Variants in TNKS observed in about 807,000 individuals in gnomAD.
TNKS encodes the protein tankyrase, also known as poly [ADP-ribose] polymerase tankyrase-1.
TNKS carries 72 observed loss-of-function variants against 135.8 expected under a neutral mutation model. The ratio of observed to expected loss-of-function variants is 0.53; its 90% CI spans 0.44 to 0.64. The LOEUF is 0.64. TNKS is among the 30% of genes least tolerant of loss of function. TNKS has a pLI of 0.00. For synonymous variants in TNKS, 849 were observed against 649.3 expected, an observed-to-expected ratio of 1.31 and a Z score of -4.68; for missense variants, 1,769 against 1,674.0, an observed-to-expected ratio of 1.06 and a Z score of -0.99.
rs1342338381 is a variant in TNKS at position 9,777,585 on chromosome 8, T to G, written c.*849T>G. ...CTGGAGATGCAGGTTGACACGGGCT[T>G]GAGTTCCAAGGTGAAAAAACTGGGG... On this transcript the variant is annotated 3_prime_UTR_variant, in exon 27 of 27. Coordinates refer to ENST00000310430, the MANE Select transcript of TNKS (RefSeq NM_003747.3). 6.6e-6 allele frequency: 1 copy of G among 152,234 alleles called. No homozygotes were observed. The highest frequency in any genetic ancestry group is 2.4e-5 in the African/African-American group (1 of 41,410). 9.4% of individuals were successfully genotyped at this position (152,234 alleles called of 1,614,324 possible). A position where few individuals can be genotyped will look rare whatever the true frequency, so the allele number is the denominator to read the frequency against.
At chr8:9,599,495 A>G (rs1798930320) in intron 2 of TNKS, among the ~76,000 whole-genome samples, 1 of 152,230 alleles carries the variant, frequency 6.6e-6, no homozygotes, top group Admixed American at 6.5e-5. Flanking sequence ...GCAGTATTCT[A>G]AAACTGAGGT....
At chr8:9,746,066 C>T (rs944553270) in intron 17 of TNKS, among the ~76,000 whole-genome samples, 3 of 152,034 alleles carry the variant, frequency 2.0e-5, no homozygotes, top group Admixed American at 1.3e-4. Flanking sequence ...GTGTGGTAGT[C>T]GAGCAGCAGC....
intron 12 of TNKS, among the ~76,000 whole-genome samples, chr8:9,725,223 C>A (rs1350980079): frequency 6.6e-6 from 1 of 152,140 alleles, no homozygotes; most frequent in Admixed American, 6.5e-5. Context: ...GACCCCAATA[C>A]ATAGTGGAAA....
intron 26 of TNKS, among the ~76,000 whole-genome samples, chr8:9,775,906 A>C (rs527705771): frequency 1.3e-5 from 2 of 152,034 alleles, no homozygotes; most frequent in South Asian, 2.1e-4. Flanking sequence ...CTACTCACTA[A>C]GGGGTGTCCT....
intron 25 of TNKS, among the ~76,000 whole-genome samples, chr8:9,769,594 C>G (rs998831719): frequency 1.4e-5 from 2 of 145,398 alleles, no homozygotes; most frequent in East Asian, 4.1e-4. Context: ...CCAGGCAAAA[C>G]TTACTGGCAG....
intron 3 of TNKS, among the ~76,000 whole-genome samples, chr8:9,633,473 A>T (rs1800374719): frequency 1.3e-5 from 2 of 152,242 alleles, no homozygotes; most frequent in African/African-American, 4.8e-5. Flanking sequence ...TGTTTACAAT[A>T]TGCCATCCTT....
At chr8:9,624,012 A>G (rs1213232836) in intron 3 of TNKS, among the ~76,000 whole-genome samples, 1 of 151,580 alleles carries the variant, frequency 6.6e-6, no homozygotes, top group Non-Finnish European at 1.5e-5. Flanking sequence ...TCAAGAAAAA[A>G]GGAAAAACAA....
At chr8:9,673,848 T>C (rs1268182895) in intron 3 of TNKS, among the ~76,000 whole-genome samples, 1 of 152,190 alleles carries the variant, frequency 6.6e-6, no homozygotes, top group Non-Finnish European at 1.5e-5. Flanking sequence ...TTGTCTCTAG[T>C]TCCATACTTT....
chr8:9,710,354 G>C, intron 11 of TNKS, 134 bp downstream of exon 11: 1 of 770,462 alleles, frequency 1.3e-6, no homozygotes, highest in Non-Finnish European at 2.2e-6. Flanking sequence ...TTAAATTCAT[G>C]GATTCTCCTA....
chr8:9,597,137 T>C (rs1035090651), intron 2 of TNKS, among the ~76,000 whole-genome samples: 8 of 152,246 alleles, frequency 5.3e-5, no homozygotes, highest in African/African-American at 1.9e-4. Flanking sequence ...AAGTATGAAT[T>C]GCAATGTATC....
intron 26 of TNKS, among the ~76,000 whole-genome samples, chr8:9,775,301 A>G (rs571097982): frequency 6.6e-6 from 1 of 151,958 alleles, no homozygotes; most frequent in African/African-American, 2.4e-5. Context: ...TCACAAAAAT[A>G]AAAGTACAGA....
chr8:9,590,469 A>T (rs570819469), intron 2 of TNKS, among the ~76,000 whole-genome samples: 4 of 152,136 alleles, frequency 2.6e-5, no homozygotes, highest in African/African-American at 7.2e-5. Flanking sequence ...TTATATCCTT[A>T]TTTAATCATA....
chr8:9,747,757 G>T (rs1284608717), intron 17 of TNKS, among the ~76,000 whole-genome samples: 2 of 152,138 alleles, frequency 1.3e-5, no homozygotes, highest in Admixed American at 6.5e-5. Flanking sequence ...GAATATATTA[G>T]AGGGATGCAT....
chr8:9,586,281 TAAAG>T lies in TNKS; in HGVS notation c.898+5900_898+5903del, dbSNP rs1272512705. On this transcript the variant is annotated intron_variant, in intron 2 of 26. Coordinates refer to ENST00000310430, the MANE Select transcript of TNKS (RefSeq NM_003747.3). ...CTTAGGGGAAATTAAGCTGACTATA[TAAAG>T]ATAGTATTATTTAATACCATAATTA... 3.9e-5 allele frequency among the ~76,000 whole-genome samples: 6 copies of T among 152,296 alleles called. No individual in the cohort carries two copies. In the South Asian group the frequency reaches 6.2e-4, roughly 16 times the overall value.
At position 9,556,527 on chromosome 8, in the gene TNKS, C is replaced by G; in HGVS notation, c.588C>G (p.Ser196=). The G allele has an allele frequency of 6.2e-7, 1 of 1,614,136 alleles. No individual in the cohort carries two copies. The change falls in exon 1 of 27, where the codon TCC becomes TCG. Residue 196 remains serine (S), a synonymous_variant. Transcript: ENST00000310430. ...AGGCCTGTCGCAATGGGGACGTGTC[C>G]CGGGTAAAGAGGCTGGTGGACGCGG... ...LLEACRNGDV[S]RVKRLVDAAN...
intron 2 of TNKS, among the ~76,000 whole-genome samples, chr8:9,580,982 T>C (rs1041613046): frequency 4.6e-5 from 7 of 152,238 alleles, no homozygotes; most frequent in African/African-American, 1.7e-4. Flanking sequence ...TGCTTTGCTG[T>C]ATACAATTTT....
At chr8:9,620,358 C>T (rs1339431750) in intron 3 of TNKS, among the ~76,000 whole-genome samples, 1 of 152,168 alleles carries the variant, frequency 6.6e-6, no homozygotes, top group Non-Finnish European at 1.5e-5. Context: ...TGCTTTAGCC[C>T]TGGGCCACAC....
In TNKS at chr8:9,618,877, G is replaced by A. The variant is rs556869248; in HGVS notation, c.994+3200G>A. 3.3e-5 allele frequency among the ~76,000 whole-genome samples: 5 copies of A among 152,270 alleles called. No homozygotes were observed. The South Asian group carries it at 1.0e-3, about 32-fold the overall frequency. ...TTCTCTTTAATCAAATCAGCCTAAT[G>A]TGTTATAAACTGCTTAATAGTACAT... On this transcript the variant is annotated intron_variant, in intron 3 of 26. Coordinates refer to ENST00000310430, the MANE Select transcript of TNKS (RefSeq NM_003747.3).
intron 12 of TNKS, among the ~76,000 whole-genome samples, chr8:9,723,537 ACAT>A (rs1805010837): frequency 6.6e-6 from 1 of 152,206 alleles, no homozygotes; most frequent in Admixed American, 6.5e-5. Context: ...GTCAAAACTA[ACAT>A]CAATGTAAAG....
Sources: gnomAD v4.1 joint callset for allele counts (sites outside exome capture counted in the v4.1 genomes callset) on GRCh38, gnomAD v4.1.1 for gene constraint, MANE v1.5 for transcripts, NCBI Gene and HGNC (gene_info 2026-07-23, HGNC 2026-07-21) for gene names.